The following CCDC88B variants were observed in gnomAD, a reference collection of about 807,000 sequenced individuals.
CCDC88B encodes coiled-coil domain-containing protein 88B.
Under a neutral mutation model 183.7 loss-of-function variants are expected in CCDC88B, and 138 were observed. That is an observed-to-expected ratio of 0.75 (90% CI 0.65 to 0.87). The LOEUF (loss-of-function observed/expected upper bound fraction) is 0.87, where lower values mean the gene tolerates loss of function less well. Among genes scored for constraint, CCDC88B ranks in the 40% least tolerant of loss-of-function variants. The pLI is 0.00. For synonymous variants in CCDC88B, 835 were observed against 867.5 expected, an observed-to-expected ratio of 0.96 and a Z score of 0.66; for missense variants, 1,822 against 1,965.6, an observed-to-expected ratio of 0.93 and a Z score of 1.38.
Position 64,343,259 on chromosome 11 carries a change from C to T in CCDC88B, c.1143C>T (p.Cys381=), listed in dbSNP as rs1264102039. 1.3e-6 allele frequency: 2 copies of T among 1,548,880 alleles called. No homozygotes were observed. Among genetic ancestry groups the T allele is most frequent in the Admixed American group, 2.0e-5 (1 of 50,990 alleles). Reference sequence around the variant, plus strand: ...AGCTGGAGGCTGCCCGAGAGCGCTGCGCCCGGCTGCACGAGACCCAGCGCG... The same window carrying T: ...AGCTGGAGGCTGCCCGAGAGCGCTGTGCCCGGCTGCACGAGACCCAGCGCG... The part of the protein sequence containing the change: ...EEQLEAARER[C]ARLHETQREN... Residue 381 remains cysteine, a synonymous_variant, in exon 11 of 27, where the codon TGC becomes TGT. Coordinates refer to ENST00000356786, the MANE Select transcript of CCDC88B (RefSeq NM_032251.6).
In CCDC88B at chr11:64,352,162, G is replaced by A. The variant is rs146651000; in HGVS notation, c.3132G>A (p.Gln1044=). ...AGTCTGTGCTGGAGATTCAGGGCCA[G>A]GAGCTGCACCGGAAGCTGGAGGTGC... ...AEKSVLEIQG[Q]ELHRKLEVLE... The change falls in exon 19 of 27, where the codon CAG becomes CAA. Residue 1044 remains glutamine (Q), a synonymous_variant. Transcript: ENST00000356786. 2.5e-6 allele frequency: 4 copies of A among 1,597,128 alleles called. No homozygotes were observed. The African/African-American group carries it at 5.4e-5, about 21-fold the overall frequency.
In CCDC88B at chr11:64,340,894, C is replaced by T. The variant is rs758346668; in HGVS notation, c.207-13C>T. ...ACGGGAGGCGGGTCCTCGAGCCCACCTCCGGCTCATAGTGCCCCCAGCTCC... is the reference window on the plus strand; with the variant it reads ...ACGGGAGGCGGGTCCTCGAGCCCACTTCCGGCTCATAGTGCCCCCAGCTCC... On this transcript the variant is annotated splice_polypyrimidine_tract_variant and intron_variant, in intron 2 of 26. Coordinates refer to ENST00000356786, the MANE Select transcript of CCDC88B (RefSeq NM_032251.6). 6.5e-7 allele frequency: 1 copy of T among 1,542,322 alleles called. No homozygotes were observed. Among genetic ancestry groups the T allele is most frequent in the South Asian group, 1.3e-5 (1 of 79,864 alleles).
intron 17 of CCDC88B, 47 bp from the exon 18 acceptor site, chr11:64,351,429 G>C (rs1269335291): frequency 5.8e-6 from 9 of 1,555,538 alleles, no homozygotes; most frequent in African/African-American, 1.4e-5. Context: ...TAGGCACTAG[G>C]GGGTGCCCCC....
In CCDC88B at chr11:64,352,369, C is replaced by T. The variant is rs1428785446; in HGVS notation, c.3339C>T (p.His1113=). The change falls in exon 19 of 27, where the codon CAC becomes CAT. Residue 1113 remains histidine, a synonymous_variant. Coordinates refer to ENST00000356786, the MANE Select transcript of CCDC88B (RefSeq NM_032251.6). ...KANMRALELA[H]RELQGRHEQL... Reference sequence around the variant, plus strand: ...ACATGCGGGCACTGGAGCTGGCCCACCGGGAGCTGCAGGGCCGGTGAGCAT... The same window carrying T: ...ACATGCGGGCACTGGAGCTGGCCCATCGGGAGCTGCAGGGCCGGTGAGCAT... 1 of 1,538,754 alleles carries T rather than the reference C, an allele frequency of 6.5e-7. No individual in the cohort carries two copies. Among genetic ancestry groups the T allele is most frequent in the South Asian group, 1.2e-5 (1 of 83,554 alleles).
intron 14 of CCDC88B, among the ~76,000 whole-genome samples, chr11:64,347,637 G>A (rs2135309100): frequency 6.6e-6 from 1 of 152,278 alleles, no homozygotes; most frequent in Admixed American, 6.5e-5. Context: ...CACTCTGTGG[G>A]GTGTGGCTGA....
chr11:64,342,612 C>T lies in CCDC88B; in HGVS notation c.994C>T (p.Leu332=). Residue 332 remains leucine (L), a synonymous_variant, in exon 10 of 27, where the codon CTG becomes TTG. Coordinates refer to ENST00000356786, the MANE Select transcript of CCDC88B (RefSeq NM_032251.6). ...LRERAGRLPR[L]QEELRRCRER... Reference sequence around the variant, plus strand: ...GGAGCGGGCCGGCCGCCTGCCCCGCCTGCAGGAGGAGCTGAGGCGCTGCCG... The same window carrying T: ...GGAGCGGGCCGGCCGCCTGCCCCGCTTGCAGGAGGAGCTGAGGCGCTGCCG... The T allele has an allele frequency of 6.5e-7, 1 of 1,530,822 alleles. No homozygotes were observed. The highest frequency in any genetic ancestry group is 8.7e-7 in the Non-Finnish European group (1 of 1,145,036). 94.8% of individuals were successfully genotyped at this position (1,530,822 alleles called of 1,614,324 possible). A position where few individuals can be genotyped will look rare whatever the true frequency, so the allele number is the denominator to read the frequency against.
intron 14 of CCDC88B, chr11:64,348,984 G>T (rs2036220779): frequency 1.4e-6 from 1 of 717,380 alleles, no homozygotes; most frequent in Non-Finnish European, 2.6e-6. Context: ...CTGTCACATG[G>T]CTGGGGTGGC....
Position 64,357,128 on chromosome 11 carries a change from T to G in CCDC88B, c.*34T>G, listed in dbSNP as rs1565062999. On this transcript the variant is annotated 3_prime_UTR_variant, in exon 27 of 27. Coordinates refer to ENST00000356786, the MANE Select transcript of CCDC88B (RefSeq NM_032251.6). Reference sequence around the variant, plus strand: ...GAACAGCAGGCTTGGGAGTGCAGCCTTCTCGGCACTGGAGTGTCAGCGGAG... The same window carrying G: ...GAACAGCAGGCTTGGGAGTGCAGCCGTCTCGGCACTGGAGTGTCAGCGGAG... 1.2e-6 allele frequency: 2 copies of G among 1,612,612 alleles called. No homozygotes were observed. Among genetic ancestry groups the G allele is most frequent in the Non-Finnish European group, 1.7e-6 (2 of 1,178,826 alleles).
intron 22 of CCDC88B, 84 bp from the exon 23 acceptor site, chr11:64,353,631 T>C (rs2036429947): frequency 1.3e-6 from 2 of 1,586,004 alleles, no homozygotes; most frequent in African/African-American, 1.3e-5. Flanking sequence ...ACGGGACCAG[T>C]GCGTCCTCGC....
chr11:64,354,066 C>A lies in CCDC88B; in HGVS notation c.3995C>A (p.Pro1332His). Residue 1332 changes from proline (P) to histidine (H), a missense_variant, in exon 24 of 27, where the codon CCC (proline) becomes CAC (histidine). Physicochemically the swap from Pro to His is moderately conservative, Grantham distance 77 (BLOSUM62 -2). Transcript: ENST00000356786. Reference protein sequence around the residue: ...RLMRPRREGGPPGGLRLGADG... With the variant: ...RLMRPRREGGHPGGLRLGADG... ...ATGCGGCCCCGGCGGGAGGGGGGCC[C>A]CCCTGGGGGGCTGCGCCTGGGGGCC... 6.9e-7 allele frequency: 1 copy of A among 1,444,804 alleles called. No individual in the cohort carries two copies. Among genetic ancestry groups the A allele is most frequent in the Non-Finnish European group, 9.1e-7 (1 of 1,093,782 alleles). The allele number at this position is 1,444,804 out of a possible 1,614,324, so 89.5% of individuals were successfully genotyped here.
At position 64,355,623 on chromosome 11, in the gene CCDC88B, G is replaced by A. The variant is rs61738780; in HGVS notation, c.4370G>A (p.Arg1457Gln). The stretch of plus-strand genomic sequence containing the variant: ...CAGGAACACGAAACAGATGCCAACC[G>A]AGAGGGTGAGTGGGGGACTGTGGAA... Reference protein sequence around the residue: ...TLQEHETDANREGPEVQEPEK... With the variant: ...TLQEHETDANQEGPEVQEPEK... Residue 1457 changes from arginine to glutamine, a missense_variant, in exon 26 of 27, where the codon CGA (arginine) becomes CAA (glutamine). Arg to Gln is a conservative substitution (Grantham distance 43). Coordinates refer to ENST00000356786, the MANE Select transcript of CCDC88B (RefSeq NM_032251.6). The A allele has an allele frequency of 1.1e-3, 1,707 of 1,611,214 alleles. 18 individuals carry two copies. The Middle Eastern group carries it at 0.033, about 31-fold the overall frequency.
At chr11:64,343,941 C>A in intron 13 of CCDC88B, 27 bp downstream of exon 13, 1 of 1,575,690 alleles carries the variant, frequency 6.3e-7, no homozygotes, top group Non-Finnish European at 8.6e-7. Context: ...AGGGTCCTGG[C>A]CGGCCCTTCC....
In CCDC88B at chr11:64,344,743, G is replaced by A. The variant is rs1341192314; in HGVS notation, c.2202G>A (p.Val734=). 6.2e-7 allele frequency: 1 copy of A among 1,614,072 alleles called. No individual in the cohort carries two copies. The highest frequency in any genetic ancestry group is 8.5e-7 in the Non-Finnish European group (1 of 1,180,014). ...AGCAGGAGGCCCTCAGGGAGGAGGTGGCACAGTTGAGGAGAAAGGCTGAGG... is the reference window on the plus strand; with the variant it reads ...AGCAGGAGGCCCTCAGGGAGGAGGTAGCACAGTTGAGGAGAAAGGCTGAGG... ...VAEQEALREE[V]AQLRRKAEAL... The change falls in exon 14 of 27, where the codon GTG becomes GTA. Residue 734 remains valine (V), a synonymous_variant. Coordinates refer to ENST00000356786, the MANE Select transcript of CCDC88B (RefSeq NM_032251.6). The surrounding 1 kb of genome is among the most constrained non-coding windows in gnomAD (Gnocchi z 4.5).
rs368612951 is a variant in CCDC88B, at chr11:64,344,896, C to T, written c.2355C>T (p.Ala785=). The change falls in exon 14 of 27, where the codon GCC becomes GCT. Residue 785 remains alanine, a synonymous_variant. Transcript: ENST00000356786. This position sits in a 1 kb window ranked among gnomAD's most constrained non-coding sequence, Gnocchi z 4.5. ...CCGAGGCCCACCGGGAGGCAGAGGC[C>T]CAGGCCTGGGAGCAAGCCCGGCTGC... ...AEAEAHREAE[A]QAWEQARLRE... 846 of 1,590,806 alleles carry T rather than the reference C, an allele frequency of 5.3e-4. No individual in the cohort carries two copies. Among genetic ancestry groups the T allele is most frequent in the Non-Finnish European group, 6.7e-4 (779 of 1,168,586 alleles).
intron 1 of CCDC88B, 134 bp from the exon 2 acceptor site, chr11:64,340,473 G>A (rs560873327): frequency 1.2e-4 from 163 of 1,414,464 alleles, no homozygotes; most frequent in Non-Finnish European, 1.5e-4. Context: ...ATGGTGTGGG[G>A]GGCTGTGGTG....
At chr11:64,353,272 G>C in intron 21 of CCDC88B, 32 bp downstream of exon 21, 2 of 1,569,878 alleles carry the variant, frequency 1.3e-6, no homozygotes, top group Non-Finnish European at 1.7e-6. Context: ...GGGTATGGGC[G>C]TGTGGTGGGG....
Position 64,351,532 on chromosome 11 carries a change from G to A in CCDC88B, c.3015G>A (p.Glu1005=), listed in dbSNP as rs1414437127. Residue 1005 remains glutamate (E), a synonymous_variant, in exon 18 of 27, where the codon GAG becomes GAA. Transcript: ENST00000356786. ...AALQGQLQHL[E]GQLGSLQGRA... ...TGCAGGGGCAGCTGCAGCACCTGGA[G>A]GGGCAGCTGGGGAGCCTGCAGGGCC... is the stretch of plus-strand genomic sequence containing the variant. 2 of 1,574,784 alleles carry A rather than the reference G, an allele frequency of 1.3e-6. No individual in the cohort carries two copies. Among genetic ancestry groups the A allele is most frequent in the African/African-American group, 1.3e-5 (1 of 74,436 alleles).
chr11:64,346,971 T>A (rs1489349838), intron 14 of CCDC88B, among the ~76,000 whole-genome samples: 1 of 151,416 alleles, frequency 6.6e-6, no homozygotes, highest in Non-Finnish European at 1.5e-5. Flanking sequence ...ATTTTTTGAA[T>A]TTTTAGTAGA....
chr11:64,340,472 G>A, intron 1 of CCDC88B, 135 bp from the exon 2 acceptor site: 1 of 1,411,810 alleles, frequency 7.1e-7, no homozygotes, highest in Non-Finnish European at 9.5e-7. Context: ...TATGGTGTGG[G>A]GGGCTGTGGT....
Sources: allele counts gnomAD v4.1 joint callset (sites outside exome capture counted in the v4.1 genomes callset), GRCh38; gene constraint gnomAD v4.1.1; non-coding constraint Gnocchi (gnomAD v3.1); transcripts MANE v1.5; gene names NCBI Gene and HGNC (gene_info 2026-07-23, HGNC 2026-07-21).